WWOX: variants seen among roughly 807,000 people sequenced by gnomAD.
The protein encoded by WWOX is WW domain-containing oxidoreductase.
Under a neutral mutation model 46.2 loss-of-function variants are expected in WWOX, and 69 were observed. The observed-to-expected ratio is 1.49, with a 90% CI of 1.23 to 1.82. WWOX has a LOEUF of 1.82. Ranked by LOEUF, WWOX falls within the 40% of genes most tolerant of loss-of-function variation. The pLI, the probability that WWOX is intolerant of heterozygous loss-of-function variation, is 0.00. For synonymous variants in WWOX, 359 were observed against 202.6 expected (o/e 1.77, Z -6.56); for missense variants, 919 against 542.6 (o/e 1.69, Z -6.89).
chr16:79,205,380 C>G (rs1316183852), intron 8 of WWOX: 2 of 152,172 alleles, frequency 1.3e-5, no homozygotes, highest in East Asian at 3.9e-4. Flanking sequence ...GTTTTTCTAC[C>G]TTTGTGAACC....
intron 8 of WWOX, among the ~76,000 whole-genome samples, chr16:78,807,892 A>G (rs1455041102): frequency 6.6e-6 from 1 of 152,248 alleles, no homozygotes; most frequent in Admixed American, 6.5e-5. Context: ...AGTGCTCAGT[A>G]GCTACATGTA....
At chr16:79,007,426 G>C (rs894293870) in intron 8 of WWOX, among the ~76,000 whole-genome samples, 1 of 152,200 alleles carries the variant, frequency 6.6e-6, no homozygotes, top group African/African-American at 2.4e-5. Context: ...CACTCAGGCT[G>C]CCTTCGAAAG....
chr16:78,699,316 T>C (rs1182105151), intron 8 of WWOX, among the ~76,000 whole-genome samples: 5 of 151,692 alleles, frequency 3.3e-5, no homozygotes, highest in African/African-American at 1.2e-4. Context: ...GGTGGATCGC[T>C]TGAGCTGAGG....
chr16:78,869,906 G>A (rs570762086), intron 8 of WWOX, among the ~76,000 whole-genome samples: 2 of 152,266 alleles, frequency 1.3e-5, no homozygotes, highest in Admixed American at 6.5e-5. Context: ...CAGCACATTT[G>A]GAGAACATGG....
intron 5 of WWOX, among the ~76,000 whole-genome samples, chr16:78,383,027 G>A (rs1291013378): frequency 4.6e-5 from 7 of 150,834 alleles, no homozygotes; most frequent in Non-Finnish European, 8.8e-5. Context: ...ATAGGGGGAG[G>A]TGATATGCTC....
At chr16:78,425,359 G>A (rs1056059039) in intron 7 of WWOX, among the ~76,000 whole-genome samples, 6 of 152,132 alleles carry the variant, frequency 3.9e-5, no homozygotes, top group African/African-American at 1.4e-4. Flanking sequence ...TTATTGATTT[G>A]TAATTCAACA....
At position 78,678,767 on chromosome 16, in the gene WWOX, C is replaced by A. The variant is rs565228564; in HGVS notation, c.1056+246015C>A. Among the ~76,000 whole-genome samples the A allele has an allele frequency of 5.3e-4, 80 of 152,206 alleles. 3 individuals are homozygous for A. In the South Asian group the frequency reaches 0.016, roughly 30 times the overall value. Reference sequence around the variant, plus strand: ...ATAGGAAACTGACCTTTTTTCAGATCTCTTCTTGTGCGTGGCCTGGGGTTA... The same window carrying A: ...ATAGGAAACTGACCTTTTTTCAGATATCTTCTTGTGCGTGGCCTGGGGTTA... On this transcript the variant is annotated intron_variant, in intron 8 of 8. Transcript: ENST00000566780.
intron 8 of WWOX, among the ~76,000 whole-genome samples, chr16:79,025,506 G>A (rs1057353729): frequency 2.6e-5 from 4 of 152,052 alleles, no homozygotes; most frequent in African/African-American, 7.2e-5. Flanking sequence ...GACTGAGATC[G>A]GAGTGATTCC....
At chr16:78,283,042 C>G (rs567284100) in intron 5 of WWOX, among the ~76,000 whole-genome samples, 1 of 152,064 alleles carries the variant, frequency 6.6e-6, no homozygotes, top group Non-Finnish European at 1.5e-5. Flanking sequence ...TGGCAGTCAG[C>G]GATGAGCCAG....
intron 6 of WWOX, among the ~76,000 whole-genome samples, chr16:78,406,303 A>AATATAAATATAT (rs1200192812): frequency 1.7e-5 from 1 of 57,836 alleles, no homozygotes; most frequent in Non-Finnish European, 4.0e-5. Context: ...TATAAATATA[A>AATATAAATATAT]ATATATATAT....
At chr16:79,078,230 G>A (rs2048696721) in intron 8 of WWOX, 1 of 152,078 alleles carries the variant, frequency 6.6e-6, no homozygotes, top group Non-Finnish European at 1.5e-5. Context: ...TATTTTTCTA[G>A]GTCTTGCTCC....
chr16:78,727,066 C>T (rs563486951), intron 8 of WWOX, among the ~76,000 whole-genome samples: 86 of 152,174 alleles, frequency 5.7e-4, no homozygotes, highest in Non-Finnish European at 1.0e-3. Context: ...AGTCCCAGTG[C>T]CCTTGGCAGA....
At chr16:78,843,140 A>G (rs1369655424) in intron 8 of WWOX, among the ~76,000 whole-genome samples, 3 of 149,854 alleles carry the variant, frequency 2.0e-5, no homozygotes, top group African/African-American at 7.3e-5. Context: ...TAGTGCATTC[A>G]ATGGAGTGTG....
At chr16:78,455,301 C>T (rs187825542) in intron 8 of WWOX, among the ~76,000 whole-genome samples, 3 of 142,410 alleles carry the variant, frequency 2.1e-5, no homozygotes, top group African/African-American at 8.7e-5. Context: ...TATGGGGGTG[C>T]TAAAAACCTC....
At chr16:79,009,881 G>C (rs1030304708) in intron 8 of WWOX, among the ~76,000 whole-genome samples, 10 of 152,210 alleles carry the variant, frequency 6.6e-5, no homozygotes, top group Admixed American at 5.2e-4. Flanking sequence ...GAGAGAGTGA[G>C]TCCTGACCTG....
At chr16:78,872,254 A>G (rs573830746) in intron 8 of WWOX, among the ~76,000 whole-genome samples, 13 of 152,356 alleles carry the variant, frequency 8.5e-5, no homozygotes, top group African/African-American at 3.1e-4. Context: ...GAGAGCTCAG[A>G]AAAGTTTACT....
At chr16:78,333,075 A>G (rs2080801369) in intron 5 of WWOX, among the ~76,000 whole-genome samples, 1 of 48,838 alleles carries the variant, frequency 2.0e-5, no homozygotes, top group South Asian at 5.0e-4. Context: ...TTTGAGACAG[A>G]GTCTAGCTCT....
chr16:78,595,379 C>G (rs1177244438), intron 8 of WWOX, among the ~76,000 whole-genome samples: 1 of 134,574 alleles, frequency 7.4e-6, no homozygotes, highest in Non-Finnish European at 1.7e-5. Flanking sequence ...CAACCCTCCC[C>G]GCTGACAGCC....
intron 5 of WWOX, among the ~76,000 whole-genome samples, chr16:78,326,389 C>G (rs1312176806): frequency 1.3e-5 from 2 of 152,052 alleles, no homozygotes; most frequent in Non-Finnish European, 2.9e-5. Context: ...CCCTATCATA[C>G]TTAGGAAAAT....
Sources: allele counts gnomAD v4.1 joint callset (sites outside exome capture counted in the v4.1 genomes callset), GRCh38; gene constraint gnomAD v4.1.1; transcripts MANE v1.5; gene names NCBI Gene and HGNC (gene_info 2026-07-23, HGNC 2026-07-21).